The following XYLB variants were observed in gnomAD, a reference collection of about 807,000 sequenced individuals.
The protein encoded by XYLB is xylulose kinase.
A neutral mutation model predicts 78.7 loss-of-function variants in XYLB; 62 were observed. That is an observed-to-expected ratio of 0.79 (90% CI 0.64 to 0.97). The LOEUF is 0.97. Ranked by LOEUF, XYLB falls within the 50% of genes least tolerant of loss-of-function variation. The pLI is 0.00. For synonymous variants in XYLB, 245 were observed against 247.4 expected, an observed-to-expected ratio of 0.99 and a Z score of 0.09; for missense variants, 687 against 676.8, an observed-to-expected ratio of 1.02 and a Z score of -0.17.
chr3:38,389,775 C>T (rs1056934335), intron 15 of XYLB, among the ~76,000 whole-genome samples: 1 of 152,206 alleles, frequency 6.6e-6, no homozygotes, highest in Admixed American at 6.5e-5. Context: ...TCTCTGTTTT[C>T]CAGCTCTTCC....
intron 15 of XYLB, among the ~76,000 whole-genome samples, chr3:38,382,480 A>G (rs1707194337): frequency 6.6e-6 from 1 of 152,134 alleles, no homozygotes; most frequent in African/African-American, 2.4e-5. Context: ...TGATGTGTGC[A>G]TTTTTCAGGA....
chr3:38,447,425 T>C, the XYLB span, among the ~76,000 whole-genome samples: 1 of 151,040 alleles, frequency 6.6e-6, no homozygotes, highest in Admixed American at 6.6e-5. Flanking sequence ...CACTTCAGCC[T>C]CCTGAAGAGC....
intron 15 of XYLB, among the ~76,000 whole-genome samples, chr3:38,380,283 G>A (rs1235775050): frequency 6.6e-6 from 1 of 152,140 alleles, no homozygotes; most frequent in Non-Finnish European, 1.5e-5. Flanking sequence ...AGGGCCGGGG[G>A]AGGCAAAAGG....
intron 14 of XYLB, 22 bp downstream of exon 14, chr3:38,377,013 G>A: frequency 6.3e-7 from 1 of 1,599,108 alleles, no homozygotes; most frequent in South Asian, 1.1e-5. Context: ...GTTGGTGTTG[G>A]AGTTACATTG....
At chr3:38,433,501 A>G in the XYLB span, among the ~76,000 whole-genome samples, 1 of 152,174 alleles carries the variant, frequency 6.6e-6, no homozygotes, top group Non-Finnish European at 1.5e-5. Flanking sequence ...CCAAACTTTT[A>G]TGCTCTGCTT....
chr3:38,368,326 G>A, intron 8 of XYLB, 69 bp downstream of exon 8: 1 of 1,430,188 alleles, frequency 7.0e-7, no homozygotes, highest in Non-Finnish European at 9.9e-7. Flanking sequence ...CAAGCAGTGG[G>A]AGCCCCACCT....
intron 18 of XYLB, among the ~76,000 whole-genome samples, chr3:38,412,171 A>G (rs1285096108): frequency 5.3e-5 from 8 of 151,948 alleles, no homozygotes; most frequent in Admixed American, 5.2e-4. Flanking sequence ...TTGTATTTTT[A>G]GTAGAGACGG....
chr3:38,433,165 G>T, the XYLB span, among the ~76,000 whole-genome samples: 1 of 152,232 alleles, frequency 6.6e-6, no homozygotes, highest in Non-Finnish European at 1.5e-5. Flanking sequence ...AGCTGCCAAG[G>T]CTCAGGGCTT....
intron 17 of XYLB, among the ~76,000 whole-genome samples, chr3:38,400,251 A>G (rs1708067210): frequency 6.6e-6 from 1 of 152,176 alleles, no homozygotes; most frequent in South Asian, 2.1e-4. Context: ...CCGGAGAGAC[A>G]CAGTATCTGG....
At position 38,383,560 on chromosome 3, in the gene XYLB, A is replaced by G. The variant is rs529074499; in HGVS notation, c.1291+4218A>G. 9.6e-4 allele frequency among the ~76,000 whole-genome samples: 146 copies of G among 152,310 alleles called. 1 individual carries two copies. The highest frequency in any genetic ancestry group is 1.4e-3 in the Non-Finnish European group (95 of 68,024). ...TTTGGGAGGTGGAGGCGGGAGGATC[A>G]CTTGAGCCCAGGAGTTTGAGACTGG... On this transcript the variant is annotated intron_variant, in intron 15 of 18. Coordinates refer to ENST00000207870, the MANE Select transcript of XYLB (RefSeq NM_005108.4).
At chr3:38,359,985 C>T (rs911495168) in intron 2 of XYLB, among the ~76,000 whole-genome samples, 13 of 152,284 alleles carry the variant, frequency 8.5e-5, no homozygotes, top group African/African-American at 1.4e-4. Flanking sequence ...TTCCCTCCGA[C>T]GCAGCATCTC....
Position 38,365,197 on chromosome 3 carries a change from A to T in XYLB, c.292-2A>T. ...TGACCATGTGCTTGGGTTTCCCAAC[A>T]GCAACACGGAAGTATATACTGGAAG... On this transcript the variant is annotated splice_acceptor_variant, in intron 4 of 18. Coordinates refer to ENST00000207870, the MANE Select transcript of XYLB (RefSeq NM_005108.4). LOFTEE classifies it high-confidence loss of function. 6.2e-7 allele frequency: 1 copy of T among 1,614,206 alleles called. No homozygotes were observed. Among genetic ancestry groups the T allele is most frequent in the Non-Finnish European group, 8.5e-7 (1 of 1,180,026 alleles).
chr3:38,442,720 ATTTTTT>A, the XYLB span, among the ~76,000 whole-genome samples: 45 of 99,176 alleles, frequency 4.5e-4, no homozygotes, highest in East Asian at 1.8e-3. Flanking sequence ...GGACTGCTGC[ATTTTTT>A]TTTTTTTTTT....
intron 15 of XYLB, among the ~76,000 whole-genome samples, chr3:38,390,854 A>G (rs541172130): frequency 6.6e-6 from 1 of 152,332 alleles, no homozygotes; most frequent in South Asian, 2.1e-4. Context: ...TGTATACAGT[A>G]GAGTATATGT....
intron 18 of XYLB, among the ~76,000 whole-genome samples, chr3:38,406,292 G>A (rs996516395): frequency 6.6e-6 from 1 of 152,208 alleles, no homozygotes. Context: ...GGAGTGGACC[G>A]CTAGCAAACT....
intron 7 of XYLB, among the ~76,000 whole-genome samples, chr3:38,367,830 C>T (rs910263046): frequency 6.6e-6 from 1 of 152,132 alleles, no homozygotes; most frequent in African/African-American, 2.4e-5. Flanking sequence ...AAGGAAATGC[C>T]AAGGAGATAG....
At chr3:38,359,341 G>A (rs375445087) in intron 2 of XYLB, among the ~76,000 whole-genome samples, 18 of 152,304 alleles carry the variant, frequency 1.2e-4, no homozygotes, top group African/African-American at 3.1e-4. Context: ...CCCTCATTCC[G>A]GTAAACCAGC....
At chr3:38,365,887 C>T (rs910167511) in intron 6 of XYLB, 151 bp downstream of exon 6, 7 of 1,218,794 alleles carry the variant, frequency 5.7e-6, no homozygotes, top group Non-Finnish European at 7.7e-6. Flanking sequence ...CTGATCCAGG[C>T]CACCTGCTGC....
chr3:38,422,689 G>T (rs1157437402), downstream of XYLB, among the ~76,000 whole-genome samples: 1 of 152,066 alleles, frequency 6.6e-6, no homozygotes, highest in Non-Finnish European at 1.5e-5. Context: ...ATTTATGGGG[G>T]AGAGATTTAT....
Sources: allele counts gnomAD v4.1 joint callset (sites outside exome capture counted in the v4.1 genomes callset), GRCh38; gene constraint gnomAD v4.1.1; transcripts MANE v1.5; gene names NCBI Gene and HGNC (gene_info 2026-07-23, HGNC 2026-07-21).